CLN3: variants seen among roughly 807,000 people sequenced by gnomAD.
CLN3 encodes CLN3 lysosomal/endosomal transmembrane protein, battenin.
Under a neutral mutation model 60.7 loss-of-function variants are expected in CLN3, and 49 were observed. The ratio of observed to expected loss-of-function variants is 0.81; its 90% CI spans 0.64 to 1.02. The LOEUF (loss-of-function observed/expected upper bound fraction) is 1.02, where lower values mean the gene tolerates loss of function less well. Among genes scored for constraint, CLN3 ranks in the 50% least tolerant of loss-of-function variants. The pLI, the probability that CLN3 is intolerant of heterozygous loss-of-function variation, is 0.00. For synonymous variants in CLN3, 256 were observed against 245.8 expected (o/e 1.04, Z -0.39); for missense variants, 516 against 557.4 (o/e 0.93, Z 0.75).
the CLN3 span, among the ~76,000 whole-genome samples, chr16:28,469,013 A>G: frequency 8.6e-6 from 1 of 115,884 alleles, no homozygotes; most frequent in Non-Finnish European, 1.9e-5. Flanking sequence ...TCTTGAAAAC[A>G]TCTCAATTTT....
At chr16:28,472,145 G>A (rs999963029), downstream of CLN3, among the ~76,000 whole-genome samples, 6 of 152,218 alleles carry the variant, frequency 3.9e-5, no homozygotes, top group Admixed American at 6.5e-5. Flanking sequence ...TGGTGCAGTG[G>A]CCCACGCCTG....
In CLN3 at chr16:28,489,831, C is replaced by T. The variant is rs551859550; in HGVS notation, c.126-445G>A. 1.9e-3 allele frequency among the ~76,000 whole-genome samples: 290 copies of T among 152,140 alleles called. 1 individual carries two copies. Among genetic ancestry groups the T allele is most frequent in the Middle Eastern group, 3.4e-3 (1 of 294 alleles). On this transcript the variant is annotated intron_variant, in intron 3 of 15. Coordinates refer to ENST00000636147, the MANE Select transcript of CLN3 (RefSeq NM_001042432.2). ...CAGCACTTTGAGGGGCCGAGGCGGG[C>T]GGATCGCCTGAGGTCAGGAGTTCGA...
chr16:28,491,489 C>T lies in CLN3; in HGVS notation c.118G>A (p.Gly40Ser). 6.2e-7 allele frequency: 1 copy of T among 1,613,540 alleles called. No individual in the cohort carries two copies. The stretch of plus-strand genomic sequence containing the variant: ...AAGTCTCAGGCCACTCACCAGAAGC[C>T]CACCGCGTTCTTCCAATGCGCGCCC... Reference protein sequence around the residue: ...HQGAHWKNAVGFWLLGLCNNF... With the variant: ...HQGAHWKNAVSFWLLGLCNNF... Residue 40 changes from glycine to serine, a missense_variant, in exon 3 of 16, where the codon GGC (glycine) becomes AGC (serine). Coordinates refer to ENST00000636147, the MANE Select transcript of CLN3 (RefSeq NM_001042432.2).
chr16:28,481,552 C>T (rs2046096982), intron 14 of CLN3, among the ~76,000 whole-genome samples: 1 of 152,028 alleles, frequency 6.6e-6, no homozygotes, highest in South Asian at 2.1e-4. Flanking sequence ...ATTGGCCACA[C>T]CCAATTTATA....
At chr16:28,481,396 C>G (rs922159762) in intron 14 of CLN3, among the ~76,000 whole-genome samples, 1 of 150,046 alleles carries the variant, frequency 6.7e-6, no homozygotes. Context: ...CCACCTGGCC[C>G]GGCCCAATCC....
chr16:28,483,646 T>G (rs899910413), intron 10 of CLN3, among the ~76,000 whole-genome samples: 1 of 151,720 alleles, frequency 6.6e-6, no homozygotes, highest in East Asian at 1.9e-4. Flanking sequence ...GTGATTGGAA[T>G]GCCTGGCACA....
chr16:28,468,677 C>T, the CLN3 span, among the ~76,000 whole-genome samples: 4 of 144,914 alleles, frequency 2.8e-5, no homozygotes, highest in East Asian at 2.0e-4. Flanking sequence ...CATGGTGGCA[C>T]GTGCCTACAG....
intron 10 of CLN3, among the ~76,000 whole-genome samples, chr16:28,483,370 C>T (rs1223033633): frequency 1.3e-5 from 2 of 152,028 alleles, no homozygotes; most frequent in South Asian, 2.1e-4. Context: ...TACAGGCATG[C>T]ACCACCACAC....
downstream of CLN3, among the ~76,000 whole-genome samples, chr16:28,473,276 T>C (rs1459867428): frequency 6.6e-6 from 1 of 152,126 alleles, no homozygotes; most frequent in Non-Finnish European, 1.5e-5. Context: ...ATTTTTTCTT[T>C]TTTCTTTTTT....
At chr16:28,482,061 T>C in intron 14 of CLN3, 44 bp downstream of exon 14, 1 of 1,495,318 alleles carries the variant, frequency 6.7e-7, no homozygotes, top group Non-Finnish European at 9.3e-7. Flanking sequence ...GGAGCCAAGC[T>C]GGGAGCCAAG....
intron 3 of CLN3, among the ~76,000 whole-genome samples, chr16:28,489,743 C>T (rs765275148): frequency 6.6e-6 from 1 of 151,578 alleles, no homozygotes; most frequent in East Asian, 1.9e-4. Flanking sequence ...AGAGCAAGAC[C>T]CTGTCACAAA....
At position 28,491,718 on chromosome 16, in the gene CLN3, G is replaced by A. The variant is rs751155598; in HGVS notation, c.42C>T (p.Ser14=). Residue 14 remains serine, a synonymous_variant, in exon 2 of 16, where the codon TCC becomes TCT. Coordinates refer to ENST00000636147, the MANE Select transcript of CLN3 (RefSeq NM_001042432.2). The part of the protein sequence containing the change: ...CAGSRRRFSD[S]EGEETVPEPR... The stretch of plus-strand genomic sequence containing the variant: ...AGGGTGGGCGGGAATACTCACCCTC[G>A]GAATCCGAAAAGCGCCGCCGCGAGC... The A allele has an allele frequency of 1.9e-6, 3 of 1,614,016 alleles. No individual in the cohort carries two copies. The highest frequency in any genetic ancestry group is 2.5e-6 in the Non-Finnish European group (3 of 1,179,982).
chr16:28,482,830 G>A (rs192893376), intron 10 of CLN3, among the ~76,000 whole-genome samples, 158 bp from the exon 11 acceptor site: 1 of 152,262 alleles, frequency 6.6e-6, no homozygotes, highest in Admixed American at 6.5e-5. Flanking sequence ...ATGGCTGGGC[G>A]CAGTGGCTCA....
At chr16:28,480,362 A>C (rs1350322962) in intron 14 of CLN3, among the ~76,000 whole-genome samples, 1 of 151,758 alleles carries the variant, frequency 6.6e-6, no homozygotes, top group Non-Finnish European at 1.5e-5. Context: ...CCTAAAGTAT[A>C]ATCTCTATTT....
At chr16:28,472,643 C>G (rs1304717994), downstream of CLN3, among the ~76,000 whole-genome samples, 1 of 150,376 alleles carries the variant, frequency 6.6e-6, no homozygotes, top group Non-Finnish European at 1.5e-5. Context: ...GAGTTTGAGG[C>G]CAGCCTGGCC....
chr16:28,480,701 C>T (rs936827241), intron 14 of CLN3, among the ~76,000 whole-genome samples: 1 of 152,228 alleles, frequency 6.6e-6, no homozygotes. Flanking sequence ...GCCACCAGGA[C>T]TGGCCAAGTT....
At chr16:28,484,398 G>A (rs2046168317) in intron 9 of CLN3, 1 of 421,376 alleles carries the variant, frequency 2.4e-6, no homozygotes, top group South Asian at 2.2e-5. Flanking sequence ...ATCCAGGCTG[G>A]AATGCAGTGG....
intron 14 of CLN3, among the ~76,000 whole-genome samples, chr16:28,478,924 G>C (rs1417931433): frequency 6.6e-6 from 1 of 152,150 alleles, no homozygotes; most frequent in African/African-American, 2.4e-5. Context: ...GGTGGGAGTA[G>C]CCGGGCATCC....
chr16:28,483,112 T>C (rs1256343235), intron 10 of CLN3, among the ~76,000 whole-genome samples: 1 of 151,814 alleles, frequency 6.6e-6, no homozygotes, highest in Non-Finnish European at 1.5e-5. Context: ...CTCAAAAAAA[T>C]AAAGTAAGAT....
Sources: allele counts gnomAD v4.1 joint callset (sites outside exome capture counted in the v4.1 genomes callset), GRCh38; gene constraint gnomAD v4.1.1; transcripts MANE v1.5; gene names NCBI Gene and HGNC (gene_info 2026-07-23, HGNC 2026-07-21).